IARS2: variants seen among roughly 807,000 people sequenced by gnomAD.
The protein encoded by IARS2 is isoleucine--tRNA ligase, mitochondrial.
In IARS2, 56 loss-of-function variants were observed where a neutral mutation model predicts 126.3. The observed-to-expected ratio is 0.44, with a 90% CI of 0.36 to 0.55. IARS2 has a LOEUF of 0.55. Ranked by LOEUF, IARS2 falls within the 20% of genes least tolerant of loss-of-function variation. IARS2 has a pLI of 0.00. For synonymous variants in IARS2, 407 were observed against 441.1 expected (o/e 0.92, Z 0.97); for missense variants, 1,127 against 1,245.9 (o/e 0.90, Z 1.44).
At chr1:220,142,304 G>T (rs1269790283) in intron 20 of IARS2, among the ~76,000 whole-genome samples, 2 of 152,158 alleles carry the variant, frequency 1.3e-5, no homozygotes, top group Admixed American at 6.5e-5. Flanking sequence ...TTCAAAATTA[G>T]CCAGGCCAAC....
In IARS2 at chr1:220,147,613, CAGA is replaced by C. The variant is rs1443224097; in HGVS notation, c.3020_3022del (p.Glu1007del). 6.2e-7 allele frequency: 1 copy of C among 1,613,944 alleles called. No homozygotes were observed. ...TCAGATACACTGTGTCCTCGATGTG[CAGA>C]AGTTGTCAGTGGAAAATAGTATTAA... On this transcript the variant is annotated inframe_deletion, in exon 23 of 23. Transcript: ENST00000366922.
intron 14 of IARS2, among the ~76,000 whole-genome samples, chr1:220,127,557 G>T (rs373643666): frequency 2.6e-5 from 4 of 152,320 alleles, no homozygotes; most frequent in East Asian, 3.9e-4. Context: ...TGTTATCACT[G>T]TGAAGTTGGA....
intron 11 of IARS2, among the ~76,000 whole-genome samples, chr1:220,111,704 T>C (rs570113288): frequency 5.3e-5 from 8 of 151,870 alleles, no homozygotes; most frequent in African/African-American, 1.7e-4. Context: ...TATATAGATA[T>C]TTTGCTTTAC....
intron 12 of IARS2, among the ~76,000 whole-genome samples, chr1:220,116,778 A>C (rs1054278299): frequency 6.6e-6 from 1 of 151,922 alleles, no homozygotes; most frequent in Non-Finnish European, 1.5e-5. Flanking sequence ...ATACAGTCTC[A>C]CTCTGTCACC....
At chr1:220,125,782 GAC>G (rs940399071) in intron 13 of IARS2, among the ~76,000 whole-genome samples, 2 of 152,036 alleles carry the variant, frequency 1.3e-5, no homozygotes, top group African/African-American at 4.8e-5. Context: ...CAGCCTGGGT[GAC>G]AGAGTGAGAG....
chr1:220,131,601 C>G (rs1047782262), intron 14 of IARS2, among the ~76,000 whole-genome samples: 9 of 152,114 alleles, frequency 5.9e-5, no homozygotes, highest in Admixed American at 1.3e-4. Context: ...ATCTGTCCGC[C>G]TAAGCCTCCC....
chr1:220,145,327 A>G (rs778653614), intron 21 of IARS2, among the ~76,000 whole-genome samples, 182 bp from the exon 22 acceptor site: 1 of 152,218 alleles, frequency 6.6e-6, no homozygotes, highest in African/African-American at 2.4e-5. Flanking sequence ...TGTTGATGGA[A>G]ATATTTAGTT....
chr1:220,140,432 A>G lies in IARS2; in HGVS notation c.2414+143A>G, dbSNP rs1170417356. 1.7e-5 allele frequency: 10 copies of G among 582,166 alleles called. No homozygotes were observed. In the Admixed American group the frequency reaches 3.1e-4, roughly 18 times the overall value. The allele number at this position is 582,166 out of a possible 1,614,324, so 36.1% of individuals were successfully genotyped here. A position where few individuals can be genotyped will look rare whatever the true frequency, so the allele number is the denominator to read the frequency against. ...ACCAGTATGGCAAAATACAAAAATT[A>G]GCCGGGCATGGTGGCACATGCCTGT... On this transcript the variant is annotated intron_variant, in intron 19 of 22. Coordinates refer to ENST00000366922, the MANE Select transcript of IARS2 (RefSeq NM_018060.4).
chr1:220,147,584 G>C lies in IARS2; in HGVS notation c.2988G>C (p.Glu996Asp), dbSNP rs754778301. Residue 996 changes from glutamate (E) to aspartate (D), a missense_variant, in exon 23 of 23, where the codon GAG becomes GAC. Physicochemically the swap from Glu to Asp is conservative, Grantham distance 45. Coordinates refer to ENST00000366922, the MANE Select transcript of IARS2 (RefSeq NM_018060.4). ...CCCGTTGTTGGAAGTATACAGCGGA[G>C]TCTTCAGATACACTGTGTCCTCGAT... is the stretch of plus-strand genomic sequence containing the variant. ...KCPRCWKYTA[E>D]SSDTLCPRCA... 6.2e-6 allele frequency: 10 copies of C among 1,614,026 alleles called. No homozygotes were observed. In the Admixed American group the frequency reaches 1.7e-4, roughly 27 times the overall value.
At chr1:220,114,610 A>G (rs1651389613) in intron 12 of IARS2, 136 bp downstream of exon 12, 2 of 626,940 alleles carry the variant, frequency 3.2e-6, no homozygotes, top group Admixed American at 3.3e-5. Flanking sequence ...TTGGGGGACT[A>G]AAATATAAGT....
chr1:220,100,903 T>G (rs1343756576), intron 3 of IARS2, among the ~76,000 whole-genome samples: 1 of 152,224 alleles, frequency 6.6e-6, no homozygotes, highest in Non-Finnish European at 1.5e-5. Flanking sequence ...GTTCATATTT[T>G]AAAAAACTAT....
In IARS2 at chr1:220,139,231, CT is replaced by C. The variant is rs1352386351; in HGVS notation, c.2307+93del. On this transcript the variant is annotated intron_variant, in intron 18 of 22. Coordinates refer to ENST00000366922, the MANE Select transcript of IARS2 (RefSeq NM_018060.4). ...TTTTATCTGAGTGGAACAGACCTTG[CT>C]GGAAATAGTAACTATAGCACTCTTG... 4.3e-6 allele frequency: 4 copies of C among 927,348 alleles called. No homozygotes were observed. The African/African-American group carries it at 6.8e-5, about 16-fold the overall frequency. The allele number at this position is 927,348 out of a possible 1,614,324, so 57.4% of individuals were successfully genotyped here.
At chr1:220,115,570 A>G (rs1178013198) in intron 12 of IARS2, among the ~76,000 whole-genome samples, 1 of 152,106 alleles carries the variant, frequency 6.6e-6, no homozygotes, top group Non-Finnish European at 1.5e-5. Context: ...AAAAAAATTA[A>G]AAAAGAAAAA....
chr1:220,105,155 G>A (rs756060919), intron 8 of IARS2, among the ~76,000 whole-genome samples: 1 of 152,022 alleles, frequency 6.6e-6, no homozygotes, highest in Non-Finnish European at 1.5e-5. Flanking sequence ...GCCCAGGCTT[G>A]TTTCAAACTC....
At chr1:220,105,252 A>G (rs765904423) in intron 8 of IARS2, among the ~76,000 whole-genome samples, 2 of 152,170 alleles carry the variant, frequency 1.3e-5, no homozygotes, top group Non-Finnish European at 2.9e-5. Flanking sequence ...CTGCTCTTTT[A>G]TAAATGCAGA....
chr1:220,096,791 A>G (rs1656452917), intron 2 of IARS2, among the ~76,000 whole-genome samples: 1 of 152,222 alleles, frequency 6.6e-6, no homozygotes, highest in African/African-American at 2.4e-5. Flanking sequence ...TCACGCCTGT[A>G]ATCCCAGCCC....
chr1:220,142,460 C>G (rs985585892), intron 20 of IARS2, among the ~76,000 whole-genome samples: 9 of 152,208 alleles, frequency 5.9e-5, no homozygotes, highest in South Asian at 2.1e-4. Context: ...CAAGATCATG[C>G]CACTGTACTT....
At chr1:220,095,416 G>C (rs753700664) in intron 1 of IARS2, among the ~76,000 whole-genome samples, 7 of 152,140 alleles carry the variant, frequency 4.6e-5, no homozygotes, top group Non-Finnish European at 1.0e-4. Context: ...GATATTCTTG[G>C]AATATTGGTT....
chr1:220,105,169 G>A (rs940688141), intron 8 of IARS2, among the ~76,000 whole-genome samples: 2 of 151,852 alleles, frequency 1.3e-5, no homozygotes, highest in African/African-American at 4.8e-5. Flanking sequence ...CAAACTCCTG[G>A]GCTCAAGCAA....
Sources: allele counts gnomAD v4.1 joint callset (sites outside exome capture counted in the v4.1 genomes callset), GRCh38; gene constraint gnomAD v4.1.1; transcripts MANE v1.5; gene names NCBI Gene and HGNC (gene_info 2026-07-23, HGNC 2026-07-21).